The following DYNLRB1 variants were observed in gnomAD, a reference collection of about 807,000 sequenced individuals.
DYNLRB1 encodes dynein light chain roadblock-type 1.
DYNLRB1 carries 6 observed loss-of-function variants against 13.5 expected under a neutral mutation model. The observed-to-expected ratio is 0.44, with a 90% confidence interval of 0.24 to 0.88. The LOEUF (loss-of-function observed/expected upper bound fraction) is 0.88. DYNLRB1 is among the 40% of genes least tolerant of loss of function. The pLI is 0.21. For synonymous variants in DYNLRB1, 43 were observed against 45.0 expected (o/e 0.96, Z 0.18); for missense variants, 93 against 127.2 (o/e 0.73, Z 1.29).
chr20:34,539,224 A>G (rs1318281623), intron 3 of DYNLRB1, among the ~76,000 whole-genome samples: 1 of 152,242 alleles, frequency 6.6e-6, no homozygotes, highest in Non-Finnish European at 1.5e-5. Flanking sequence ...GGAGGCACTC[A>G]GGCTCACCTC....
chr20:34,534,512 C>A lies in DYNLRB1; in HGVS notation c.80-116C>A, dbSNP rs909897160. The stretch of plus-strand genomic sequence containing the variant: ...TGCCTGTCACATAGCAAGCCCTCTG[C>A]GGATGGTGGCATTGACTGAGAACTG... On this transcript the variant is annotated intron_variant, in intron 2 of 3. Transcript: ENST00000357156. The A allele has an allele frequency of 3.1e-6, 4 of 1,289,428 alleles. No individual in the cohort carries two copies. The African/African-American group carries it at 6.0e-5, about 19-fold the overall frequency. 79.9% of individuals were successfully genotyped at this position (1,289,428 alleles called of 1,614,324 possible).
At chr20:34,525,016 C>T (rs1294497241) in intron 1 of DYNLRB1, among the ~76,000 whole-genome samples, 2 of 152,236 alleles carry the variant, frequency 1.3e-5, no homozygotes, top group Non-Finnish European at 2.9e-5. Context: ...TGAGCCGCCG[C>T]ACCGGCCCCA....
Position 34,522,469 on chromosome 20 carries a change from C to CTTTTTTTTTTTTTTTTTTTTTTTTT in DYNLRB1, c.4-3777_4-3776insTTTTTTTTTTTTTTTTTTTTTTTTT, listed in dbSNP as rs771811577. On this transcript the variant is annotated intron_variant, in intron 1 of 3. Coordinates refer to ENST00000357156, the MANE Select transcript of DYNLRB1 (RefSeq NM_014183.4). ...TTTTCTTTCTTTCTTTTTTCTTTTT[C>CTTTTTTTTTTTTTTTTTTTTTTTTT]TTTTTTTTTTTTTTTTTTTTTTGAT... 5.7e-4 allele frequency among the ~76,000 whole-genome samples: 44 copies of CTTTTTTTTTTTTTTTTTTTTTTTTT among 77,214 alleles called. 1 individual carries two copies. The highest frequency in any genetic ancestry group is 6.5e-4 in the African/African-American group (12 of 18,432). The allele number at this position is 77,214 out of a possible 152,430, so 50.7% of individuals were successfully genotyped here.
At chr20:34,530,371 T>C in intron 2 of DYNLRB1, 1 of 800,308 alleles carries the variant, frequency 1.2e-6, no homozygotes, top group Non-Finnish European at 1.5e-6. Flanking sequence ...CATAAGCCAC[T>C]TTCTCTGTTA....
At chr20:34,524,677 T>C (rs748044767) in intron 1 of DYNLRB1, among the ~76,000 whole-genome samples, 5 of 152,150 alleles carry the variant, frequency 3.3e-5, no homozygotes, top group Non-Finnish European at 7.4e-5. Flanking sequence ...AGCCCTGTCA[T>C]TGTACCCAGG....
At chr20:34,518,234 A>G (rs937044552) in intron 1 of DYNLRB1, among the ~76,000 whole-genome samples, 11 of 151,904 alleles carry the variant, frequency 7.2e-5, no homozygotes, top group African/African-American at 2.4e-4. Flanking sequence ...TGTGTTTTAT[A>G]CCAATACCAT....
At position 34,540,910 on chromosome 20, in the gene DYNLRB1, C is replaced by G. The variant is rs548707291; in HGVS notation, c.*286C>G. ...TTCTGACCTTCAGTTCACTTTGTCGCCCTTGGAGAAAGCTGTTTTTCTTTA... is the reference window on the plus strand; with the variant it reads ...TTCTGACCTTCAGTTCACTTTGTCGGCCTTGGAGAAAGCTGTTTTTCTTTA... On this transcript the variant is annotated 3_prime_UTR_variant, in exon 4 of 4. Transcript: ENST00000357156. 1 of 403,220 alleles carries G rather than the reference C, an allele frequency of 2.5e-6. No individual in the cohort carries two copies. The highest frequency in any genetic ancestry group is 6.5e-5 in the South Asian group (1 of 15,418). 25.0% of individuals were successfully genotyped at this position (403,220 alleles called of 1,614,324 possible).
At chr20:34,537,443 AAATG>A (rs1276631818) in intron 3 of DYNLRB1, among the ~76,000 whole-genome samples, 2 of 152,208 alleles carry the variant, frequency 1.3e-5, no homozygotes, top group East Asian at 3.9e-4. Context: ...TTGATTAAAT[AAATG>A]AATGACTCTG....
intron 2 of DYNLRB1, chr20:34,529,898 T>A: frequency 6.6e-6 from 10 of 1,518,758 alleles, no homozygotes; most frequent in Non-Finnish European, 7.9e-6. Flanking sequence ...GCAGGCCCCC[T>A]GCTCAGGGCT....
intron 1 of DYNLRB1, chr20:34,516,681 C>G (rs909490063): frequency 1.2e-5 from 18 of 1,488,822 alleles, no homozygotes; most frequent in Non-Finnish European, 1.5e-5. Flanking sequence ...TGCCCCTTGA[C>G]CGGAAGCGGG....
At chr20:34,528,038 C>T (rs1480787962) in intron 2 of DYNLRB1, among the ~76,000 whole-genome samples, 1 of 39,416 alleles carries the variant, frequency 2.5e-5, no homozygotes, top group Non-Finnish European at 5.9e-5. Flanking sequence ...GCCGGCCGGG[C>T]GCGGTGGCTC....
chr20:34,526,124 C>A, intron 1 of DYNLRB1, 144 bp from the exon 2 acceptor site: 1 of 822,600 alleles, frequency 1.2e-6, no homozygotes, highest in Non-Finnish European at 2.0e-6. Context: ...GTCAGATCAG[C>A]CTGGGGAACT....
intron 1 of DYNLRB1, chr20:34,516,791 C>T (rs1279712284): frequency 1.3e-6 from 2 of 1,550,070 alleles, no homozygotes; most frequent in Non-Finnish European, 1.7e-6. Context: ...ACCCTGGCAA[C>T]GTTTCCCGGG....
chr20:34,529,670 A>C (rs977654264), intron 2 of DYNLRB1, among the ~76,000 whole-genome samples: 2 of 150,818 alleles, frequency 1.3e-5, no homozygotes. Context: ...CAGAGGTTGC[A>C]ATGAGCCGAG....
chr20:34,528,583 C>G (rs1980445872), intron 2 of DYNLRB1, among the ~76,000 whole-genome samples: 1 of 152,150 alleles, frequency 6.6e-6, no homozygotes, highest in Non-Finnish European at 1.5e-5. Context: ...TTTGGTAATT[C>G]TTGAGGACTG....
chr20:34,516,613 T>C (rs1236554897), intron 1 of DYNLRB1, 152 bp downstream of exon 1: 2 of 1,505,110 alleles, frequency 1.3e-6, no homozygotes, highest in African/African-American at 2.8e-5. Flanking sequence ...GACTTGAGGG[T>C]GGAACCCGGC....
At chr20:34,522,353 A>G (rs1979788812) in intron 1 of DYNLRB1, among the ~76,000 whole-genome samples, 1 of 151,932 alleles carries the variant, frequency 6.6e-6, no homozygotes, top group Non-Finnish European at 1.5e-5. Context: ...TGAAAGCAAT[A>G]TATGACCCAT....
chr20:34,525,384 T>C (rs1261196174), intron 1 of DYNLRB1, among the ~76,000 whole-genome samples: 1 of 152,186 alleles, frequency 6.6e-6, no homozygotes, highest in African/African-American at 2.4e-5. Context: ...CAGACCTTTT[T>C]AGAGTCTCTA....
rs1379089761 is a variant in DYNLRB1 at position 34,540,647 on chromosome 20, T to C, written c.*23T>C. 2.5e-6 allele frequency: 4 copies of C among 1,612,236 alleles called. No homozygotes were observed. The highest frequency in any genetic ancestry group is 1.7e-5 in the Admixed American group (1 of 59,902). On this transcript the variant is annotated 3_prime_UTR_variant, in exon 4 of 4. Transcript: ENST00000357156. ...TAAGCCACTCTCTTGGCTCCCTGTGTCATTCCTTAATTTAATGCCCCCCAA... is the reference window on the plus strand; with the variant it reads ...TAAGCCACTCTCTTGGCTCCCTGTGCCATTCCTTAATTTAATGCCCCCCAA...
Sources: allele counts gnomAD v4.1 joint callset (sites outside exome capture counted in the v4.1 genomes callset), GRCh38; gene constraint gnomAD v4.1.1; transcripts MANE v1.5; gene names NCBI Gene and HGNC (gene_info 2026-07-23, HGNC 2026-07-21).